Variants in RALYL observed in about 807,000 individuals in gnomAD.
RALYL encodes RALY RNA binding protein like, also known as RNA-binding Raly-like protein.
A neutral mutation model predicts 35.1 loss-of-function variants in RALYL; 29 were observed. The ratio of observed to expected loss-of-function variants is 0.83; its 90% confidence interval spans 0.61 to 1.13. The LOEUF is 1.13. RALYL is among the 50% of genes most tolerant of loss of function. The pLI, the probability that RALYL is intolerant of heterozygous loss-of-function variation, is 0.00. For synonymous variants in RALYL, 120 were observed against 127.6 expected (o/e 0.94, Z 0.40); for missense variants, 359 against 360.4 (o/e 1.00, Z 0.03).
chr8:84,405,816 T>G (rs1469810008), intron 1 of RALYL, among the ~76,000 whole-genome samples: 1 of 149,878 alleles, frequency 6.7e-6, no homozygotes, highest in Non-Finnish European at 1.5e-5. Context: ...ATCTAGATAT[T>G]TTCATTCTTT....
At chr8:84,720,060 A>G (rs1284256214) in intron 2 of RALYL, among the ~76,000 whole-genome samples, 1 of 152,122 alleles carries the variant, frequency 6.6e-6, no homozygotes, top group Non-Finnish European at 1.5e-5. Context: ...AGTGTCCTCC[A>G]GGTTCATGCA....
intron 1 of RALYL, among the ~76,000 whole-genome samples, chr8:84,363,127 C>A (rs2131294002): frequency 6.6e-6 from 1 of 152,236 alleles, no homozygotes; most frequent in Admixed American, 6.5e-5. Flanking sequence ...TAAGACAAGG[C>A]AAAGACAAAC....
At chr8:84,806,001 G>A (rs1403135261) in intron 4 of RALYL, among the ~76,000 whole-genome samples, 2 of 152,008 alleles carry the variant, frequency 1.3e-5, no homozygotes, top group African/African-American at 4.8e-5. Context: ...ACATGGAATG[G>A]GGTTAGATTT....
At chr8:84,468,257 G>T (rs1224552842) in intron 1 of RALYL, among the ~76,000 whole-genome samples, 4 of 151,832 alleles carry the variant, frequency 2.6e-5, no homozygotes, top group Admixed American at 1.3e-4. Flanking sequence ...TTTACATTTT[G>T]GCATGATTTT....
chr8:84,232,944 C>A (rs1030309324), intron 1 of RALYL, among the ~76,000 whole-genome samples: 1 of 151,968 alleles, frequency 6.6e-6, no homozygotes, highest in African/African-American at 2.4e-5. Flanking sequence ...GATAAAATTT[C>A]TTTCTTTCCT....
At chr8:84,763,232 G>T (rs1813109926) in intron 2 of RALYL, among the ~76,000 whole-genome samples, 2 of 152,046 alleles carry the variant, frequency 1.3e-5, no homozygotes, top group East Asian at 3.9e-4. Context: ...AAAAGTGAAG[G>T]AACAAGAAAA....
intron 8 of RALYL, among the ~76,000 whole-genome samples, chr8:84,916,904 GAA>G (rs1039216406): frequency 2.1e-4 from 32 of 152,022 alleles, no homozygotes; most frequent in African/African-American, 7.0e-4. Context: ...ATACTTATAG[GAA>G]AAGTTTCTGT....
In RALYL at chr8:84,319,492, A is replaced by T. The variant is rs554539585; in HGVS notation, c.-24+135068A>T. 2.8e-4 allele frequency among the ~76,000 whole-genome samples: 43 copies of T among 152,106 alleles called. 2 individuals are homozygous for T. In the South Asian group the frequency reaches 8.9e-3, roughly 32 times the overall value. On this transcript the variant is annotated intron_variant, in intron 1 of 8. Coordinates refer to ENST00000521268, the MANE Select transcript of RALYL (RefSeq NM_173848.7). ...CTTCTCTCCTATCAAAAAGAAGACT[A>T]GTTGTTCTTTTTCATTGATGTGATA... is the stretch of plus-strand genomic sequence containing the variant.
chr8:84,814,912 T>C (rs1826828393), intron 4 of RALYL, among the ~76,000 whole-genome samples: 1 of 152,222 alleles, frequency 6.6e-6, no homozygotes, highest in African/African-American at 2.4e-5. Flanking sequence ...TTTGCACAGG[T>C]AGATCAACAG....
intron 2 of RALYL, among the ~76,000 whole-genome samples, chr8:84,641,364 C>T (rs998286937): frequency 3.3e-5 from 5 of 151,588 alleles, no homozygotes; most frequent in African/African-American, 1.2e-4. Context: ...GGTAAGAAAT[C>T]CTGAACTATT....
At chr8:84,789,785 T>A (rs1456193299) in intron 3 of RALYL, among the ~76,000 whole-genome samples, 2 of 152,088 alleles carry the variant, frequency 1.3e-5, no homozygotes, top group Non-Finnish European at 2.9e-5. Context: ...TTGAGCCTAC[T>A]TGCAGTTTGA....
chr8:84,368,669 C>G (rs1855050306), intron 1 of RALYL, among the ~76,000 whole-genome samples: 1 of 152,110 alleles, frequency 6.6e-6, no homozygotes, highest in Non-Finnish European at 1.5e-5. Flanking sequence ...CCTTATAAAG[C>G]CATCAGATCT....
chr8:84,834,184 G>T (rs887739293), intron 4 of RALYL, among the ~76,000 whole-genome samples: 1 of 152,174 alleles, frequency 6.6e-6, no homozygotes, highest in Non-Finnish European at 1.5e-5. Flanking sequence ...AACAAACATG[G>T]AATATAAAAA....
intron 1 of RALYL, among the ~76,000 whole-genome samples, chr8:84,429,484 T>G (rs1322570676): frequency 7.6e-6 from 1 of 130,862 alleles, no homozygotes; most frequent in Non-Finnish European, 1.7e-5. Context: ...TTAAAATGCT[T>G]TTTCCAGAAA....
At chr8:84,868,959 T>A (rs1221595855) in intron 6 of RALYL, among the ~76,000 whole-genome samples, 2 of 152,022 alleles carry the variant, frequency 1.3e-5, no homozygotes, top group Non-Finnish European at 2.9e-5. Flanking sequence ...GTTACAAGGG[T>A]ATCACCTGTC....
intron 8 of RALYL, among the ~76,000 whole-genome samples, chr8:84,891,381 G>A (rs1307474821): frequency 6.6e-6 from 1 of 152,094 alleles, no homozygotes; most frequent in East Asian, 1.9e-4. Context: ...GGCAAGATCA[G>A]AAATTTCAAA....
chr8:84,405,002 A>C (rs371660406), intron 1 of RALYL, among the ~76,000 whole-genome samples: 1 of 152,222 alleles, frequency 6.6e-6, no homozygotes, highest in East Asian at 1.9e-4. Flanking sequence ...AGTGAAGATC[A>C]TAACAAACAG....
intron 2 of RALYL, among the ~76,000 whole-genome samples, chr8:84,607,931 T>TA (rs1405658003): frequency 1.3e-5 from 2 of 151,986 alleles, no homozygotes; most frequent in African/African-American, 4.8e-5. Flanking sequence ...TTTTTTTTTT[T>TA]TTATTAGCTT....
At chr8:84,891,874 G>T (rs1464986370) in intron 8 of RALYL, among the ~76,000 whole-genome samples, 1 of 152,168 alleles carries the variant, frequency 6.6e-6, no homozygotes, top group East Asian at 1.9e-4. Context: ...GGGCATCATA[G>T]ATTTGAACAG....
Sources: allele counts gnomAD v4.1 joint callset (sites outside exome capture counted in the v4.1 genomes callset), GRCh38; gene constraint gnomAD v4.1.1; transcripts MANE v1.5; gene names NCBI Gene and HGNC (gene_info 2026-07-23, HGNC 2026-07-21).